The following RPH3AL variants were observed in gnomAD, a reference collection of about 807,000 sequenced individuals.
The protein encoded by RPH3AL is rab effector Noc2.
A neutral mutation model predicts 43.1 loss-of-function variants in RPH3AL; 38 were observed. The observed-to-expected ratio is 0.88, with a 90% CI of 0.68 to 1.15. The LOEUF (loss-of-function observed/expected upper bound fraction) is 1.15, where lower values mean the gene tolerates loss of function less well. Ranked by LOEUF, RPH3AL falls within the 50% of genes most tolerant of loss-of-function variation. The pLI is 0.00. For missense variants in RPH3AL, 462 were observed against 423.2 expected (o/e 1.09, Z -0.81); for synonymous variants, 189 against 176.3 (o/e 1.07, Z -0.57).
intron 1 of RPH3AL, among the ~76,000 whole-genome samples, chr17:340,175 C>A (rs761709672): frequency 1.3e-5 from 2 of 152,070 alleles, no homozygotes; most frequent in Non-Finnish European, 2.9e-5. Context: ...CCCGGCCAAT[C>A]CTGCCATCAG....
At chr17:247,757 A>G (rs1328233820) in intron 6 of RPH3AL, 1 of 156,416 alleles carries the variant, frequency 6.4e-6, no homozygotes, top group East Asian at 1.9e-4. Flanking sequence ...TACCGTCTGT[A>G]TCCACCACTC....
intron 7 of RPH3AL, among the ~76,000 whole-genome samples, chr17:241,690 G>T (rs1298550793): frequency 6.7e-6 from 1 of 149,612 alleles, no homozygotes; most frequent in Non-Finnish European, 1.5e-5. Context: ...ATGAGGGTAA[G>T]TAGAAGAGAT....
chr17:235,102 G>A (rs1003888353), intron 7 of RPH3AL, among the ~76,000 whole-genome samples: 21 of 152,198 alleles, frequency 1.4e-4, no homozygotes, highest in African/African-American at 3.6e-4. Context: ...GACGGGTCCC[G>A]GGTTCAAAGC....
At chr17:325,166 T>C (rs1390014597) in intron 3 of RPH3AL, among the ~76,000 whole-genome samples, 1 of 152,226 alleles carries the variant, frequency 6.6e-6, no homozygotes, top group Non-Finnish European at 1.5e-5. Flanking sequence ...CGGCCTATTC[T>C]TTTTAAAGAC....
At chr17:244,340 C>G (rs536899943) in intron 7 of RPH3AL, among the ~76,000 whole-genome samples, 1 of 151,868 alleles carries the variant, frequency 6.6e-6, no homozygotes, top group Admixed American at 6.6e-5. Flanking sequence ...AATAGGGTGG[C>G]CTGGGATGCA....
chr17:253,270 T>G (rs1166017006), intron 6 of RPH3AL, among the ~76,000 whole-genome samples: 2 of 152,138 alleles, frequency 1.3e-5, no homozygotes, highest in African/African-American at 4.8e-5. Context: ...AAGGCCCTGT[T>G]TAACGGGGAG....
rs763495157 is a variant in RPH3AL, at chr17:212,870, A to G, written c.*982T>C. The stretch of plus-strand genomic sequence containing the variant: ...TGCACCTGAACGCTGCTCTTCAGCA[A>G]GTGAGTTCATAGCATCCACCAGAGC... On this transcript the variant is annotated 3_prime_UTR_variant, in exon 10 of 10. Transcript: ENST00000331302. The G allele has an allele frequency of 9.2e-5, 14 of 151,918 alleles. No homozygotes were observed. Among genetic ancestry groups the G allele is most frequent in the Non-Finnish European group, 1.8e-4 (12 of 68,010 alleles). The allele number at this position is 151,918 out of a possible 1,614,324, so 9.4% of individuals were successfully genotyped here. A position where few individuals can be genotyped will look rare whatever the true frequency, so the allele number is the denominator to read the frequency against.
intron 6 of RPH3AL, among the ~76,000 whole-genome samples, chr17:262,436 G>A (rs1314596879): frequency 1.3e-5 from 2 of 152,116 alleles, no homozygotes; most frequent in Non-Finnish European, 2.9e-5. Flanking sequence ...GGCTGGTCTT[G>A]AACTGCTGAC....
At chr17:304,281 C>G (rs374662915) in intron 5 of RPH3AL, among the ~76,000 whole-genome samples, 1 of 152,034 alleles carries the variant, frequency 6.6e-6, no homozygotes, top group South Asian at 2.1e-4. Flanking sequence ...CAACCGCCCC[C>G]GAGATAGGTA....
chr17:247,035 G>T, intron 7 of RPH3AL, 76 bp downstream of exon 7: 2 of 1,532,254 alleles, frequency 1.3e-6, no homozygotes, highest in Non-Finnish European at 1.8e-6. Context: ...GACTGGCCTT[G>T]TGCCTGCAAA....
intron 1 of RPH3AL, among the ~76,000 whole-genome samples, chr17:342,081 C>T (rs772013099): frequency 9.2e-5 from 14 of 152,088 alleles, no homozygotes; most frequent in South Asian, 2.1e-4. Context: ...AAAGAAGATA[C>T]GCAAATGCCC....
chr17:263,477 C>CA (rs1367114115), intron 6 of RPH3AL, among the ~76,000 whole-genome samples: 3 of 152,162 alleles, frequency 2.0e-5, no homozygotes, highest in Non-Finnish European at 4.4e-5. Context: ...GACGCGGTGG[C>CA]AAGGAGCCGC....
At chr17:298,704 C>CAAAAA (rs745555861) in intron 5 of RPH3AL, among the ~76,000 whole-genome samples, 73 of 36,308 alleles carry the variant, frequency 2.0e-3, no homozygotes, top group Admixed American at 6.8e-3. Context: ...GATGTTATCT[C>CAAAAA]AAAAAAAAAA....
intron 6 of RPH3AL, among the ~76,000 whole-genome samples, chr17:248,453 C>G (rs11651220): frequency 0.035 from 5,356 of 152,252 alleles, 128 homozygotes; most frequent in South Asian, 0.092. Flanking sequence ...GGGGGCCTGC[C>G]AGGGCCCAAG....
chr17:253,196 C>T (rs998746195), intron 6 of RPH3AL, among the ~76,000 whole-genome samples: 1 of 152,170 alleles, frequency 6.6e-6, no homozygotes, highest in Non-Finnish European at 1.5e-5. Flanking sequence ...ATGGAGCTAC[C>T]CTGCCATCCC....
chr17:285,947 C>T (rs571381282), intron 5 of RPH3AL, among the ~76,000 whole-genome samples: 14 of 152,340 alleles, frequency 9.2e-5, no homozygotes, highest in Non-Finnish European at 1.6e-4. Context: ...GTGAGGGGCA[C>T]AGGCCTGGCG....
At chr17:252,194 C>T (rs2041921152) in intron 6 of RPH3AL, among the ~76,000 whole-genome samples, 1 of 152,044 alleles carries the variant, frequency 6.6e-6, no homozygotes, top group African/African-American at 2.4e-5. Flanking sequence ...AGGCTGGTCT[C>T]TAACTCCTGG....
chr17:229,325 TGG>T (rs1306463052), intron 7 of RPH3AL, among the ~76,000 whole-genome samples: 1 of 152,200 alleles, frequency 6.6e-6, no homozygotes, highest in Non-Finnish European at 1.5e-5. Context: ...GCCCCACTGC[TGG>T]GTTTTGGGCA....
At chr17:306,982 C>G (rs980300688) in intron 5 of RPH3AL, among the ~76,000 whole-genome samples, 2 of 152,194 alleles carry the variant, frequency 1.3e-5, no homozygotes, top group Admixed American at 6.5e-5. Context: ...TCTCCTGGCA[C>G]CTGGTCACCC....
Sources: allele counts gnomAD v4.1 joint callset (sites outside exome capture counted in the v4.1 genomes callset), GRCh38; gene constraint gnomAD v4.1.1; transcripts MANE v1.5; gene names NCBI Gene and HGNC (gene_info 2026-07-23, HGNC 2026-07-21).